Variants in SGMS1 observed in about 807,000 individuals in gnomAD.
SGMS1 encodes the protein sphingomyelin synthase 1, also known as phosphatidylcholine:ceramide cholinephosphotransferase 1.
SGMS1 carries 13 observed loss-of-function variants against 46.2 expected under a neutral mutation model. The ratio of observed to expected loss-of-function variants is 0.28; its 90% CI spans 0.18 to 0.45. The LOEUF is 0.45. Among genes scored for constraint, SGMS1 ranks in the 20% least tolerant of loss-of-function variants. The probability of loss-of-function intolerance (pLI) is 1.00; values close to 1 mark genes in which losing one functional copy is unlikely to be tolerated. For synonymous variants in SGMS1, 203 were observed against 187.8 expected (o/e 1.08, Z -0.66); for missense variants, 324 against 519.9 (o/e 0.62, Z 3.66).
chr10:50,479,571 A>AT (rs1003042979), intron 3 of SGMS1, among the ~76,000 whole-genome samples: 1 of 152,104 alleles, frequency 6.6e-6, no homozygotes, highest in Non-Finnish European at 1.5e-5. Context: ...ACCGCATTAT[A>AT]TTTTTTTCTT....
At chr10:50,324,898 A>G (rs1248819300) in intron 8 of SGMS1, among the ~76,000 whole-genome samples, 1 of 152,256 alleles carries the variant, frequency 6.6e-6, no homozygotes, top group African/African-American at 2.4e-5. Context: ...TTAGAATTAT[A>G]GACTTAAAAG....
At chr10:50,362,794 A>C (rs945590942) in intron 6 of SGMS1, among the ~76,000 whole-genome samples, 15 of 152,324 alleles carry the variant, frequency 9.8e-5, no homozygotes, top group African/African-American at 3.4e-4. Context: ...TGTAAAAACA[A>C]GACATGATTT....
chr10:50,587,333 T>C (rs1054798449), intron 2 of SGMS1, among the ~76,000 whole-genome samples: 1 of 152,188 alleles, frequency 6.6e-6, no homozygotes, highest in Admixed American at 6.5e-5. Flanking sequence ...ATGCTGTGAA[T>C]GCATAAAATA....
At chr10:50,507,992 C>A (rs1837722141) in intron 3 of SGMS1, among the ~76,000 whole-genome samples, 1 of 152,154 alleles carries the variant, frequency 6.6e-6, no homozygotes, top group Non-Finnish European at 1.5e-5. Flanking sequence ...CACAACAGAT[C>A]CCATGAGGGA....
At chr10:50,521,081 C>T (rs1837853467) in intron 2 of SGMS1, among the ~76,000 whole-genome samples, 2 of 151,798 alleles carry the variant, frequency 1.3e-5, no homozygotes, top group African/African-American at 4.8e-5. Flanking sequence ...TTGCTATGTG[C>T]TGGGTCTCGA....
intron 2 of SGMS1, among the ~76,000 whole-genome samples, chr10:50,528,298 C>T (rs147233579): frequency 2.7e-4 from 41 of 152,262 alleles, no homozygotes; most frequent in East Asian, 7.7e-4. Flanking sequence ...TATTGAGGGA[C>T]GACTCTGTCC....
intron 6 of SGMS1, among the ~76,000 whole-genome samples, chr10:50,393,476 C>G (rs1291218835): frequency 6.6e-6 from 1 of 152,142 alleles, no homozygotes; most frequent in East Asian, 1.9e-4. Context: ...TAAAGCTTTA[C>G]TCTGTATTTT....
intron 3 of SGMS1, among the ~76,000 whole-genome samples, chr10:50,517,052 G>A (rs1237442290): frequency 6.6e-6 from 1 of 152,110 alleles, no homozygotes; most frequent in African/African-American, 2.4e-5. Context: ...TAAACCAAAG[G>A]GAATAGGTAT....
intron 3 of SGMS1, among the ~76,000 whole-genome samples, chr10:50,512,691 T>TG (rs1837767811): frequency 6.6e-6 from 1 of 152,252 alleles, no homozygotes; most frequent in South Asian, 2.1e-4. Context: ...AGCTTCCACA[T>TG]GTAGAAATGG....
At chr10:50,355,472 G>A (rs889706980) in intron 6 of SGMS1, among the ~76,000 whole-genome samples, 3 of 152,166 alleles carry the variant, frequency 2.0e-5, no homozygotes, top group Non-Finnish European at 4.4e-5. Context: ...ACAGGGTTTC[G>A]CCGTGTTGGC....
chr10:50,445,656 G>C (rs536289091), intron 5 of SGMS1, among the ~76,000 whole-genome samples: 5 of 152,034 alleles, frequency 3.3e-5, no homozygotes, highest in African/African-American at 1.2e-4. Context: ...CGTCATCTTC[G>C]TAAACTGAGG....
At chr10:50,623,662 C>T in intron 1 of SGMS1, 45 bp downstream of exon 1, 3 of 985,388 alleles carry the variant, frequency 3.0e-6, no homozygotes, top group Non-Finnish European at 1.2e-6. Context: ...CCGATCGGCC[C>T]CCGCAACCGT....
chr10:50,358,912 A>T (rs1010762698), intron 6 of SGMS1, among the ~76,000 whole-genome samples: 2 of 152,194 alleles, frequency 1.3e-5, no homozygotes, highest in African/African-American at 4.8e-5. Flanking sequence ...TTAAAGTAAC[A>T]GCCACATAGT....
At chr10:50,574,984 T>TATATATATAA (rs1466751231) in intron 2 of SGMS1, among the ~76,000 whole-genome samples, 5 of 144,748 alleles carry the variant, frequency 3.5e-5, no homozygotes, top group African/African-American at 5.0e-5. Context: ...TATATATATA[T>TATATATATAA]AAAACAAAGT....
At chr10:50,450,046 T>C (rs542071040) in intron 5 of SGMS1, among the ~76,000 whole-genome samples, 1 of 152,318 alleles carries the variant, frequency 6.6e-6, no homozygotes, top group African/African-American at 2.4e-5. Context: ...GTTAATATTA[T>C]CTTTAGAGAA....
chr10:50,513,273 A>C (rs972262454), intron 3 of SGMS1, among the ~76,000 whole-genome samples: 1 of 152,182 alleles, frequency 6.6e-6, no homozygotes, highest in Admixed American at 6.5e-5. Context: ...GATGGTTTTC[A>C]ATGGTCCCTG....
At chr10:50,556,423 G>T (rs565781011) in intron 2 of SGMS1, among the ~76,000 whole-genome samples, 22 of 152,294 alleles carry the variant, frequency 1.4e-4, no homozygotes, top group African/African-American at 3.4e-4. Flanking sequence ...GTCACCAAAG[G>T]CCTCATTCCA....
intron 2 of SGMS1, among the ~76,000 whole-genome samples, chr10:50,581,042 C>T (rs980687606): frequency 6.6e-6 from 1 of 152,200 alleles, no homozygotes; most frequent in Non-Finnish European, 1.5e-5. Flanking sequence ...AGAATTTCCT[C>T]TTCTAACAAG....
At chr10:50,440,670 A>G (rs1322825563) in intron 5 of SGMS1, among the ~76,000 whole-genome samples, 1 of 152,146 alleles carries the variant, frequency 6.6e-6, no homozygotes, top group Non-Finnish European at 1.5e-5. Context: ...TGGCGCAATC[A>G]TTGCTTGCTG....
Sources: gnomAD v4.1 joint callset for allele counts (sites outside exome capture counted in the v4.1 genomes callset) on GRCh38, gnomAD v4.1.1 for gene constraint, MANE v1.5 for transcripts, NCBI Gene and HGNC (gene_info 2026-07-23, HGNC 2026-07-21) for gene names.